The following RTL4 variants were observed in gnomAD, a reference collection of about 807,000 sequenced individuals.
RTL4 encodes retrotransposon Gag like 4.
Under a neutral mutation model 5.3 loss-of-function variants are expected in RTL4, and 4 were observed. That is an observed-to-expected ratio of 0.75 (90% CI 0.37 to 1.72). The LOEUF (loss-of-function observed/expected upper bound fraction) is 1.72. Among genes scored for constraint, RTL4 ranks in the 40% most tolerant of loss-of-function variants. The probability of loss-of-function intolerance (pLI) is 0.04; values close to 1 mark genes in which losing one functional copy is unlikely to be tolerated. For synonymous variants in RTL4, 98 were observed against 87.3 expected, an observed-to-expected ratio of 1.12 and a Z score of -0.68; for missense variants, 260 against 227.1, an observed-to-expected ratio of 1.14 and a Z score of -0.93.
chrX:112,252,922 C>G, the RTL4 span, among the ~76,000 whole-genome samples: 2 of 111,363 alleles, frequency 1.8e-5, no homozygotes, highest in Non-Finnish European at 3.8e-5. Flanking sequence ...CTAATGAGGG[C>G]TAACAGTTTA....
At chrX:112,439,902 G>A in the RTL4 span, among the ~76,000 whole-genome samples, 2 of 111,583 alleles carry the variant, frequency 1.8e-5, no homozygotes, top group Non-Finnish European at 3.8e-5. Context: ...TGTACAGTTT[G>A]CAGAACCATG....
the RTL4 span, among the ~76,000 whole-genome samples, chrX:112,250,278 CAAAA>C: frequency 1.5e-5 from 1 of 68,316 alleles, no homozygotes; most frequent in Non-Finnish European, 2.9e-5. Context: ...GACTCTGTCT[CAAAA>C]AAAAAAAAAG....
chrX:112,160,371 G>A, the RTL4 span, among the ~76,000 whole-genome samples: 1 of 112,014 alleles, frequency 8.9e-6, no homozygotes, highest in African/African-American at 3.2e-5. Context: ...TAACTTAATA[G>A]TGTACCTTGG....
At chrX:112,271,918 T>C in the RTL4 span, among the ~76,000 whole-genome samples, 1 of 112,067 alleles carries the variant, frequency 8.9e-6, no homozygotes, top group Non-Finnish European at 1.9e-5. Context: ...TTAGTTATGT[T>C]AAAATGTAAC....
chrX:112,254,505 T>G, the RTL4 span, among the ~76,000 whole-genome samples: 2 of 110,520 alleles, frequency 1.8e-5, no homozygotes, highest in East Asian at 5.7e-4. Context: ...AACTTTTGTA[T>G]TTTTAGTAGA....
At chrX:112,452,345 C>T (rs1353285035), upstream of RTL4, among the ~76,000 whole-genome samples, 7 of 105,815 alleles carry the variant, frequency 6.6e-5, no homozygotes, top group Non-Finnish European at 1.4e-4. Context: ...TCATGATCCA[C>T]CCACCTCGGC....
the RTL4 span, among the ~76,000 whole-genome samples, chrX:112,120,580 GT>G: frequency 2.7e-3 from 249 of 92,905 alleles, no homozygotes; most frequent in Non-Finnish European, 3.5e-3. Flanking sequence ...CCCGGCTGGG[GT>G]TTTTTTTTTT....
chrX:112,232,623 G>A, the RTL4 span, among the ~76,000 whole-genome samples: 1 of 111,710 alleles, frequency 9.0e-6, no homozygotes, highest in Admixed American at 9.5e-5. Flanking sequence ...AGTGTTCTGG[G>A]CATAAGGCAG....
chrX:112,258,959 CAATT>C, the RTL4 span, among the ~76,000 whole-genome samples: 1 of 111,168 alleles, frequency 9.0e-6, no homozygotes, highest in African/African-American at 3.3e-5. Context: ...ACCATCTAGA[CAATT>C]AAAAAACTCC....
the RTL4 span, among the ~76,000 whole-genome samples, chrX:112,243,266 T>G: frequency 1.8e-5 from 2 of 111,377 alleles, no homozygotes; most frequent in Non-Finnish European, 1.9e-5. Flanking sequence ...GTTTCAGAAG[T>G]AATGGTACCA....
the RTL4 span, among the ~76,000 whole-genome samples, chrX:112,396,428 G>A: frequency 3.6e-5 from 4 of 111,187 alleles, no homozygotes; most frequent in Non-Finnish European, 7.5e-5. Flanking sequence ...CTGATTTTTC[G>A]TTATTATAAA....
chrX:112,208,834 A>T, the RTL4 span, among the ~76,000 whole-genome samples: 1 of 112,429 alleles, frequency 8.9e-6, no homozygotes, highest in African/African-American at 3.2e-5. Context: ...CAAGAACCTT[A>T]CAGGTGTGGA....
At chrX:112,381,900 G>T in the RTL4 span, 1 of 1,210,058 alleles carries the variant, frequency 8.3e-7, no homozygotes, top group Admixed American at 2.2e-5. Context: ...AAGAGAAAAA[G>T]AAGAGAGCTT....
the RTL4 span, among the ~76,000 whole-genome samples, chrX:112,405,782 A>G: frequency 9.0e-6 from 1 of 110,951 alleles, no homozygotes; most frequent in Non-Finnish European, 1.9e-5. Flanking sequence ...GTGACCACTA[A>G]CGCTCCTTGG....
the RTL4 span, among the ~76,000 whole-genome samples, chrX:112,425,235 C>T: frequency 9.0e-6 from 1 of 110,973 alleles, no homozygotes; most frequent in Admixed American, 9.6e-5. Flanking sequence ...ATTTAAGTTT[C>T]CTTTATGTGT....
chrX:112,088,140 C>G, the RTL4 span, among the ~76,000 whole-genome samples: 1 of 109,322 alleles, frequency 9.1e-6, no homozygotes, highest in African/African-American at 3.3e-5. Context: ...CATGAGACAC[C>G]GCGCCTGGCT....
chrX:112,204,754 C>T, the RTL4 span, among the ~76,000 whole-genome samples: 1 of 111,123 alleles, frequency 9.0e-6, no homozygotes, highest in Non-Finnish European at 1.9e-5. Flanking sequence ...TTTGACAGCA[C>T]AACAGAGTGA....
chrX:112,124,401 C>T, the RTL4 span, among the ~76,000 whole-genome samples: 1 of 111,311 alleles, frequency 9.0e-6, no homozygotes, highest in East Asian at 2.8e-4. Flanking sequence ...TTTACAATAG[C>T]ACAGTCATGG....
chrX:112,423,083 T>C, the RTL4 span, among the ~76,000 whole-genome samples: 1 of 108,349 alleles, frequency 9.2e-6, no homozygotes, highest in African/African-American at 3.3e-5. Context: ...TACAAGCATG[T>C]CTTTGTGTTG....
Sources: gnomAD v4.1 joint callset for allele counts (sites outside exome capture counted in the v4.1 genomes callset) on GRCh38, gnomAD v4.1.1 for gene constraint, MANE v1.5 for transcripts, NCBI Gene and HGNC (gene_info 2026-07-23, HGNC 2026-07-21) for gene names.